CCDC85A: variants seen among roughly 807,000 people sequenced by gnomAD.
CCDC85A encodes coiled-coil domain-containing protein 85A.
CCDC85A carries 38 observed loss-of-function variants against 50.2 expected under a neutral mutation model. That is an observed-to-expected ratio of 0.76 (90% CI 0.58 to 0.99). The LOEUF (loss-of-function observed/expected upper bound fraction) is 0.99. Ranked by LOEUF, CCDC85A falls within the 50% of genes least tolerant of loss-of-function variation. The pLI, the probability that CCDC85A is intolerant of heterozygous loss-of-function variation, is 0.00. For missense variants in CCDC85A, 820 were observed against 742.0 expected, an observed-to-expected ratio of 1.11 and a Z score of -1.22; for synonymous variants, 366 against 301.4, an observed-to-expected ratio of 1.21 and a Z score of -2.22.
intron 2 of CCDC85A, among the ~76,000 whole-genome samples, chr2:56,207,370 G>T (rs1421912861): frequency 6.6e-6 from 1 of 152,106 alleles, no homozygotes; most frequent in South Asian, 2.1e-4. Flanking sequence ...ACATTTGACT[G>T]GTTTGTTTGT....
rs753876156 is a variant in CCDC85A, at chr2:56,192,281, C to A, written c.277-196C>A. Among the ~76,000 whole-genome samples, 2 of 151,870 alleles carry A rather than the reference C, an allele frequency of 1.3e-5. No individual in the cohort carries two copies. The highest frequency in any genetic ancestry group is 2.9e-5 in the Non-Finnish European group (2 of 68,008). ...GACATAATGCAAGTAAAGTATTGTG[C>A]AGGGATAGAACTGATACTTAAGTTA... On this transcript the variant is annotated intron_variant, in intron 1 of 5. Coordinates refer to ENST00000407595, the MANE Select transcript of CCDC85A (RefSeq NM_001080433.2). The surrounding 1 kb of genome is among the most constrained non-coding windows in gnomAD (Gnocchi z 4.7).
At position 56,248,433 on chromosome 2, in the gene CCDC85A, G is replaced by A. The variant is rs1392065984; in HGVS notation, c.1240+54993G>A. Among the ~76,000 whole-genome samples the A allele has an allele frequency of 3.3e-5, 5 of 152,208 alleles. No individual in the cohort carries two copies. In the South Asian group the frequency reaches 8.3e-4, roughly 25 times the overall value. ...GAGACAGGGAAGCAGACAGGCCCTTGGTGTCTACCCACCTCCCTTCCTGTG... is the reference window on the plus strand; with the variant it reads ...GAGACAGGGAAGCAGACAGGCCCTTAGTGTCTACCCACCTCCCTTCCTGTG... On this transcript the variant is annotated intron_variant, in intron 2 of 5. Transcript: ENST00000407595.
At chr2:56,237,473 C>T (rs954409623) in intron 2 of CCDC85A, among the ~76,000 whole-genome samples, 1 of 152,188 alleles carries the variant, frequency 6.6e-6, no homozygotes, top group African/African-American at 2.4e-5. Flanking sequence ...TGTTAACAAT[C>T]TTGCTAAGTA....
chr2:56,311,520 A>G (rs866235206), intron 2 of CCDC85A, among the ~76,000 whole-genome samples: 41 of 151,946 alleles, frequency 2.7e-4, no homozygotes, highest in Middle Eastern at 3.4e-3. Flanking sequence ...CACAATGTGC[A>G]GGTTTGTTAC....
chr2:56,336,415 A>C (rs1674078324), intron 2 of CCDC85A, among the ~76,000 whole-genome samples: 1 of 152,106 alleles, frequency 6.6e-6, no homozygotes, highest in Admixed American at 6.5e-5. Context: ...TGGCCTCCCA[A>C]AGTGCTAGGA....
At chr2:56,378,121 A>T (rs982156330) in intron 5 of CCDC85A, among the ~76,000 whole-genome samples, 3 of 152,192 alleles carry the variant, frequency 2.0e-5, no homozygotes, top group African/African-American at 7.2e-5. Flanking sequence ...AAAAGATTTC[A>T]TTATAAGAAA....
intron 2 of CCDC85A, among the ~76,000 whole-genome samples, chr2:56,314,614 A>T (rs1358087180): frequency 6.6e-6 from 1 of 151,320 alleles, no homozygotes; most frequent in African/African-American, 2.5e-5. Context: ...AAACTGATTG[A>T]CCATGGAATA....
At position 56,291,270 on chromosome 2, in the gene CCDC85A, A is replaced by G. The variant is rs147687063; in HGVS notation, c.1241-51609A>G. Among the ~76,000 whole-genome samples, 4 of 152,338 alleles carry G rather than the reference A, an allele frequency of 2.6e-5. No homozygotes were observed. The East Asian group carries it at 7.7e-4, about 29-fold the overall frequency. On this transcript the variant is annotated intron_variant, in intron 2 of 5. Transcript: ENST00000407595. ...CTAACCATATTGTGGGTTCTCATTT[A>G]TTCATCTATTAGTCAATCAGCAAGT...
chr2:56,350,807 C>G (rs954048765), intron 3 of CCDC85A, among the ~76,000 whole-genome samples: 31 of 146,670 alleles, frequency 2.1e-4, no homozygotes, highest in Non-Finnish European at 1.5e-4. Context: ...AGTCAGCCAT[C>G]CTATTGATAG....
At chr2:56,219,171 C>G (rs948170134) in intron 2 of CCDC85A, among the ~76,000 whole-genome samples, 1 of 148,650 alleles carries the variant, frequency 6.7e-6, no homozygotes, top group Non-Finnish European at 1.5e-5. Flanking sequence ...CGCCTTAAGC[C>G]CACTACCAAA....
intron 2 of CCDC85A, among the ~76,000 whole-genome samples, chr2:56,259,598 C>T (rs1670135899): frequency 6.6e-6 from 1 of 152,190 alleles, no homozygotes; most frequent in Non-Finnish European, 1.5e-5. Context: ...CTGGCATTTT[C>T]AGAAGGCACA....
chr2:56,233,159 G>A (rs1668847436), intron 2 of CCDC85A, among the ~76,000 whole-genome samples: 2 of 152,166 alleles, frequency 1.3e-5, no homozygotes, highest in African/African-American at 4.8e-5. Flanking sequence ...GAAAGCACCA[G>A]CCTCTCCAGC....
intron 2 of CCDC85A, among the ~76,000 whole-genome samples, chr2:56,286,121 A>G (rs138116114): frequency 0.011 from 1,717 of 151,740 alleles, 16 homozygotes; most frequent in Non-Finnish European, 0.014. Flanking sequence ...TAATGTACGC[A>G]TCTTTCTCAG....
At chr2:56,210,433 C>T (rs1677135032) in intron 2 of CCDC85A, among the ~76,000 whole-genome samples, 1 of 152,010 alleles carries the variant, frequency 6.6e-6, no homozygotes, top group South Asian at 2.1e-4. Flanking sequence ...TGCCATGTGA[C>T]AAACCACCTC....
Position 56,379,201 on chromosome 2 carries a change from G to A in CCDC85A, c.1572+3266G>A, listed in dbSNP as rs546486871. On this transcript the variant is annotated intron_variant, in intron 5 of 5. Transcript: ENST00000407595. ...AGTGCTTCTCTTTGATACTATCAAAGAGCCACCTCCACATGCCTTTTCTTA... is the reference window on the plus strand; with the variant it reads ...AGTGCTTCTCTTTGATACTATCAAAAAGCCACCTCCACATGCCTTTTCTTA... 2.2e-4 allele frequency among the ~76,000 whole-genome samples: 33 copies of A among 152,182 alleles called. No individual in the cohort carries two copies. In the East Asian group the frequency reaches 5.4e-3, roughly 25 times the overall value.
intron 2 of CCDC85A, among the ~76,000 whole-genome samples, chr2:56,215,752 C>G (rs1001676807): frequency 6.6e-6 from 1 of 151,628 alleles, no homozygotes; most frequent in African/African-American, 2.4e-5. Flanking sequence ...GATAGTTGTG[C>G]TTTGTATATT....
intron 3 of CCDC85A, among the ~76,000 whole-genome samples, chr2:56,360,457 C>T (rs1445989517): frequency 6.6e-6 from 1 of 152,176 alleles, no homozygotes; most frequent in Non-Finnish European, 1.5e-5. Context: ...AAAAAGACAT[C>T]TCTAACCAGC....
intron 2 of CCDC85A, among the ~76,000 whole-genome samples, chr2:56,329,969 T>G (rs1248495554): frequency 1.5e-5 from 2 of 136,310 alleles, no homozygotes; most frequent in South Asian, 2.5e-4. Flanking sequence ...TTTTTTTTTT[T>G]TTTTTTTTTT....
intron 2 of CCDC85A, among the ~76,000 whole-genome samples, chr2:56,219,476 C>T (rs973789500): frequency 5.3e-5 from 8 of 151,562 alleles, no homozygotes; most frequent in Admixed American, 2.6e-4. Context: ...CATTTTGAAC[C>T]CCTATTCTGC....
Sources: gnomAD v4.1 joint callset for allele counts (sites outside exome capture counted in the v4.1 genomes callset) on GRCh38, gnomAD v4.1.1 for gene constraint, Gnocchi (gnomAD v3.1) non-coding constraint, MANE v1.5 for transcripts, NCBI Gene and HGNC (gene_info 2026-07-23, HGNC 2026-07-21) for gene names.